Variants in SUSD1 observed in about 807,000 individuals in gnomAD.
SUSD1 encodes the protein sushi domain-containing protein 1.
In SUSD1, 65 loss-of-function variants were observed where a neutral mutation model predicts 86.9. The ratio of observed to expected loss-of-function variants is 0.75; its 90% CI spans 0.61 to 0.92. SUSD1 has a LOEUF of 0.92. Ranked by LOEUF, SUSD1 falls within the 40% of genes least tolerant of loss-of-function variation. The probability of loss-of-function intolerance (pLI) is 0.00; values close to 1 mark genes in which losing one functional copy is unlikely to be tolerated. For missense variants in SUSD1, 850 were observed against 929.7 expected (o/e 0.91, Z 1.11); for synonymous variants, 346 against 350.0 (o/e 0.99, Z 0.13).
At chr9:112,096,939 G>A (rs947670535) in intron 10 of SUSD1, among the ~76,000 whole-genome samples, 31 of 152,106 alleles carry the variant, frequency 2.0e-4, no homozygotes, top group African/African-American at 7.2e-4. Context: ...TGTGTTGGGG[G>A]GTAGGTTTAT....
chr9:112,115,791 A>C (rs946770629), intron 6 of SUSD1, among the ~76,000 whole-genome samples: 2 of 124,956 alleles, frequency 1.6e-5, no homozygotes, highest in Non-Finnish European at 3.2e-5. Flanking sequence ...CCTGGGCGGC[A>C]GAATGAGACT....
At position 112,115,538 on chromosome 9, in the gene SUSD1, G is replaced by A. The variant is rs531531081; in HGVS notation, c.887-2670C>T. On this transcript the variant is annotated intron_variant, in intron 6 of 16. Coordinates refer to ENST00000374270, the MANE Select transcript of SUSD1 (RefSeq NM_022486.5). Reference sequence around the variant, plus strand: ...CAATTGTGGGCCAAGTGGGTGCGGTGGCTCACGCCTGTAATCCTAGCACTT... The same window carrying A: ...CAATTGTGGGCCAAGTGGGTGCGGTAGCTCACGCCTGTAATCCTAGCACTT... Among the ~76,000 whole-genome samples the A allele has an allele frequency of 6.6e-5, 10 of 152,228 alleles. No homozygotes were observed. The South Asian group carries it at 8.3e-4, about 13-fold the overall frequency.
chr9:112,142,203 T>C (rs1205100318), intron 5 of SUSD1, 117 bp downstream of exon 5: 1 of 818,472 alleles, frequency 1.2e-6, no homozygotes, highest in Non-Finnish European at 1.8e-6. Context: ...GAGAAACAAA[T>C]AGGAATTTTA....
At chr9:112,066,141 A>G (rs1247389118) in intron 12 of SUSD1, among the ~76,000 whole-genome samples, 2 of 152,230 alleles carry the variant, frequency 1.3e-5, no homozygotes, top group African/African-American at 2.4e-5. Context: ...TTGCCAGGCC[A>G]TGACAATGCT....
chr9:112,140,822 G>A (rs190214722), intron 5 of SUSD1, among the ~76,000 whole-genome samples: 56 of 152,304 alleles, frequency 3.7e-4, no homozygotes, highest in Admixed American at 1.6e-3. Context: ...CACAAACCTA[G>A]ATAGTAGAGC....
intron 6 of SUSD1, among the ~76,000 whole-genome samples, chr9:112,123,078 C>G (rs1392695853): frequency 6.6e-6 from 1 of 152,146 alleles, no homozygotes; most frequent in African/African-American, 2.4e-5. Flanking sequence ...GAACTGCACA[C>G]TTAAAAATAG....
In SUSD1 at chr9:112,127,879, T is replaced by C. The variant is rs577524487; in HGVS notation, c.707-3443A>G. 5.9e-4 allele frequency among the ~76,000 whole-genome samples: 89 copies of C among 152,070 alleles called. 1 individual carries two copies. The highest frequency in any genetic ancestry group is 2.1e-3 in the African/African-American group (86 of 41,482). The stretch of plus-strand genomic sequence containing the variant: ...GTGCAGTGGTGCCACCACAACTCAC[T>C]GCAGCCTTGACCTCCTGGGCTCAAG... On this transcript the variant is annotated intron_variant, in intron 5 of 16. Coordinates refer to ENST00000374270, the MANE Select transcript of SUSD1 (RefSeq NM_022486.5).
At chr9:112,057,471 C>A (rs543341751) in intron 14 of SUSD1, among the ~76,000 whole-genome samples, 6 of 152,284 alleles carry the variant, frequency 3.9e-5, no homozygotes, top group Non-Finnish European at 8.8e-5. Context: ...AATGAAAAGG[C>A]CTTGTCTAAG....
intron 6 of SUSD1, among the ~76,000 whole-genome samples, chr9:112,118,673 C>T (rs1397438549): frequency 5.3e-5 from 8 of 152,182 alleles, no homozygotes; most frequent in South Asian, 2.1e-4. Flanking sequence ...TTAGTAGAGA[C>T]GGGGTTTCAC....
chr9:112,112,761 CT>C lies in SUSD1; in HGVS notation c.984+9del. On this transcript the variant is annotated intron_variant, in intron 7 of 16. Transcript: ENST00000374270. ...TGTCCTAGCAGGAAAAAGTAGATCA[CT>C]TTACTTACCACATATGAGATCTTGG... The C allele has an allele frequency of 1.3e-6, 2 of 1,596,502 alleles. No homozygotes were observed. The highest frequency in any genetic ancestry group is 2.2e-5 in the South Asian group (2 of 90,652).
intron 12 of SUSD1, among the ~76,000 whole-genome samples, chr9:112,078,026 T>C (rs769942002): frequency 3.9e-5 from 6 of 152,034 alleles, no homozygotes; most frequent in Non-Finnish European, 7.4e-5. Context: ...ACCTCCCCTG[T>C]GGTTATTAGG....
chr9:112,172,339 C>T (rs2131871516), intron 1 of SUSD1, among the ~76,000 whole-genome samples: 1 of 152,266 alleles, frequency 6.6e-6, no homozygotes, highest in East Asian at 1.9e-4. Context: ...GGCTTTTTCT[C>T]AATCTCTGCC....
chr9:112,063,712 AC>A (rs1828837731), intron 12 of SUSD1, among the ~76,000 whole-genome samples: 1 of 152,190 alleles, frequency 6.6e-6, no homozygotes, highest in Admixed American at 6.5e-5. Flanking sequence ...ACTGGTAGTT[AC>A]AGTCATGGTA....
At chr9:112,045,035 T>C (rs1437761535) in intron 15 of SUSD1, among the ~76,000 whole-genome samples, 1 of 152,254 alleles carries the variant, frequency 6.6e-6, no homozygotes, top group Non-Finnish European at 1.5e-5. Context: ...GCAAATGCTC[T>C]CTTACAAGTA....
intron 5 of SUSD1, among the ~76,000 whole-genome samples, chr9:112,131,888 T>C (rs1001035513): frequency 2.6e-5 from 4 of 152,232 alleles, no homozygotes; most frequent in African/African-American, 9.6e-5. Context: ...TCCCATTGTC[T>C]GTGATTTTAT....
intron 8 of SUSD1, among the ~76,000 whole-genome samples, chr9:112,108,376 T>C (rs1046564378): frequency 3.3e-5 from 5 of 152,208 alleles, no homozygotes; most frequent in African/African-American, 1.2e-4. Context: ...AATTTTGTTA[T>C]GCATTCAACT....
chr9:112,061,277 C>A (rs944861325), intron 13 of SUSD1, among the ~76,000 whole-genome samples: 2 of 152,176 alleles, frequency 1.3e-5, no homozygotes, highest in African/African-American at 4.8e-5. Context: ...CTGTCTCACA[C>A]ACTGGCAAAG....
At chr9:112,109,158 C>T (rs1830983625) in intron 8 of SUSD1, among the ~76,000 whole-genome samples, 1 of 151,304 alleles carries the variant, frequency 6.6e-6, no homozygotes, top group South Asian at 2.1e-4. Flanking sequence ...ATAAACAGAC[C>T]CAAAATCATG....
chr9:112,079,524 C>T (rs1313202500), intron 11 of SUSD1, among the ~76,000 whole-genome samples: 1 of 152,158 alleles, frequency 6.6e-6, no homozygotes, highest in East Asian at 1.9e-4. Context: ...TCCTTAACCA[C>T]CCTGACACTT....
Sources: gnomAD v4.1 joint callset for allele counts (sites outside exome capture counted in the v4.1 genomes callset) on GRCh38, gnomAD v4.1.1 for gene constraint, MANE v1.5 for transcripts, NCBI Gene and HGNC (gene_info 2026-07-23, HGNC 2026-07-21) for gene names.